Variants in DDR2 observed in about 807,000 individuals in gnomAD.
The protein encoded by DDR2 is discoidin domain-containing receptor 2.
A neutral mutation model predicts 94.9 loss-of-function variants in DDR2; 27 were observed. The ratio of observed to expected loss-of-function variants is 0.28; its 90% confidence interval spans 0.21 to 0.39. The LOEUF is 0.39. DDR2 is among the 10% of genes least tolerant of loss of function. DDR2 has a pLI of 1.00. For synonymous variants in DDR2, 382 were observed against 377.2 expected, an observed-to-expected ratio of 1.01 and a Z score of -0.15; for missense variants, 783 against 1,076.0, an observed-to-expected ratio of 0.73 and a Z score of 3.81.
chr1:162,761,558 G>A, intron 9 of DDR2, 104 bp downstream of exon 9: 1 of 1,565,336 alleles, frequency 6.4e-7, no homozygotes, highest in Non-Finnish European at 8.7e-7. Flanking sequence ...GAGTGGGATT[G>A]TACAGGCAGC....
intron 3 of DDR2, among the ~76,000 whole-genome samples, chr1:162,734,723 A>G (rs1207738044): frequency 6.6e-6 from 1 of 152,146 alleles, no homozygotes; most frequent in Non-Finnish European, 1.5e-5. Context: ...TGCATTCAGG[A>G]ACTGAAATAA....
chr1:162,638,442 C>T (rs1210556531), intron 1 of DDR2, among the ~76,000 whole-genome samples: 1 of 152,160 alleles, frequency 6.6e-6, no homozygotes, highest in Admixed American at 6.5e-5. Context: ...TCCCATATCC[C>T]CATGGTAAGG....
At position 162,712,438 on chromosome 1, in the gene DDR2, T is replaced by G. The variant is rs79075285; in HGVS notation, c.-27-6599T>G. ...TGAGACATTTAACCTCTCAGACTCT[T>G]GCTTTTTTCTTTCCTGGAGAGCTGC... On this transcript the variant is annotated intron_variant, in intron 2 of 17. Transcript: ENST00000367921. Among the ~76,000 whole-genome samples, 838 of 152,040 alleles carry G rather than the reference T, an allele frequency of 5.5e-3. 16 individuals are homozygous for G. The South Asian group carries it at 0.072, about 13-fold the overall frequency.
At position 162,762,912 on chromosome 1, in the gene DDR2, C is replaced by A. The variant is rs569810846; in HGVS notation, c.1099+1458C>A. Among the ~76,000 whole-genome samples, 5 of 152,282 alleles carry A rather than the reference C, an allele frequency of 3.3e-5. No individual in the cohort carries two copies. In the East Asian group the frequency reaches 9.6e-4, roughly 29 times the overall value. Reference sequence around the variant, plus strand: ...AATGCAGTGGTGTGATCTTGGCTCACTGCAACCCCCGCCTCCCGGGATCGA... The same window carrying A: ...AATGCAGTGGTGTGATCTTGGCTCAATGCAACCCCCGCCTCCCGGGATCGA... On this transcript the variant is annotated intron_variant, in intron 9 of 17. Transcript: ENST00000367921.
intron 2 of DDR2, among the ~76,000 whole-genome samples, chr1:162,660,645 C>T (rs1658246213): frequency 6.6e-6 from 1 of 152,184 alleles, no homozygotes; most frequent in South Asian, 2.1e-4. Flanking sequence ...TTGAAGTTTT[C>T]TAACATCAAA....
intron 3 of DDR2, among the ~76,000 whole-genome samples, chr1:162,749,966 C>G (rs951155213): frequency 6.6e-6 from 1 of 152,216 alleles, no homozygotes; most frequent in East Asian, 1.9e-4. Context: ...AACAGCCCTT[C>G]ATGCTAAAAG....
rs1648084161 is a variant in DDR2, at chr1:162,784,843, A to C, written c.*4597A>C. ...AGTCCATTTTCGGAACCAGAAAATT[A>C]ACATTGGCATAATGCTATTAACTAA... is the stretch of plus-strand genomic sequence containing the variant. On this transcript the variant is annotated 3_prime_UTR_variant, in exon 18 of 18. Coordinates refer to ENST00000367921, the MANE Select transcript of DDR2 (RefSeq NM_006182.4). 6.6e-6 allele frequency: 1 copy of C among 152,208 alleles called. No individual in the cohort carries two copies. Among genetic ancestry groups the C allele is most frequent in the African/African-American group, 2.4e-5 (1 of 41,468 alleles). The allele number at this position is 152,208 out of a possible 1,614,324, so 9.4% of individuals were successfully genotyped here.
At chr1:162,704,037 C>T (rs1660546300) in intron 2 of DDR2, among the ~76,000 whole-genome samples, 1 of 152,146 alleles carries the variant, frequency 6.6e-6, no homozygotes, top group Admixed American at 6.5e-5. Context: ...TTCAGCCTCC[C>T]TTTTAAAGCC....
At chr1:162,741,545 G>C in intron 3 of DDR2, 1 of 978,808 alleles carries the variant, frequency 1.0e-6, no homozygotes, top group Non-Finnish European at 1.2e-6. Flanking sequence ...CCATGGGACA[G>C]CACTTTGCAA....
chr1:162,684,551 T>A (rs1659573847), intron 2 of DDR2, among the ~76,000 whole-genome samples: 1 of 152,134 alleles, frequency 6.6e-6, no homozygotes, highest in Non-Finnish European at 1.5e-5. Flanking sequence ...TTTTAGAGTT[T>A]GCTACTGCTC....
At position 162,660,342 on chromosome 1, in the gene DDR2, C is replaced by T. The variant is rs559382724; in HGVS notation, c.-28+4968C>T. Among the ~76,000 whole-genome samples, 27 of 151,874 alleles carry T rather than the reference C, an allele frequency of 1.8e-4. No individual in the cohort carries two copies. In the South Asian group the frequency reaches 5.0e-3, roughly 28 times the overall value. ...GTTTGGGGGTAGAGGAGGTAGGCGGCGGTGGGCAGTTGGGACCCCCCGTAC... is the reference window on the plus strand; with the variant it reads ...GTTTGGGGGTAGAGGAGGTAGGCGGTGGTGGGCAGTTGGGACCCCCCGTAC... On this transcript the variant is annotated intron_variant, in intron 2 of 17. Coordinates refer to ENST00000367921, the MANE Select transcript of DDR2 (RefSeq NM_006182.4).
At position 162,780,420 on chromosome 1, in the gene DDR2, C is replaced by CTT. The variant is rs5778295; in HGVS notation, c.*187_*188dup. 3 of 672,204 alleles carry CTT rather than the reference C, an allele frequency of 4.5e-6. No homozygotes were observed. In the African/African-American group the frequency reaches 5.7e-5, roughly 13 times the overall value. 41.6% of individuals were successfully genotyped at this position (672,204 alleles called of 1,614,324 possible). A position where few individuals can be genotyped will look rare whatever the true frequency, so the allele number is the denominator to read the frequency against. On this transcript the variant is annotated 3_prime_UTR_variant, in exon 18 of 18. Coordinates refer to ENST00000367921, the MANE Select transcript of DDR2 (RefSeq NM_006182.4). Reference sequence around the variant, plus strand: ...ACTCCCTACCCCTGACTCATATACACTTTTTTTTTTTTTTACATTAAAGAA... The same window carrying CTT: ...ACTCCCTACCCCTGACTCATATACACTTTTTTTTTTTTTTTTACATTAAAGAA...
At chr1:162,756,022 T>C (rs935322601) in intron 7 of DDR2, among the ~76,000 whole-genome samples, 6 of 152,234 alleles carry the variant, frequency 3.9e-5, no homozygotes, top group African/African-American at 1.4e-4. Context: ...AAGTTTGTGA[T>C]ATGGCTCTAA....
chr1:162,729,732 ATT>A (rs1661926493), intron 3 of DDR2, among the ~76,000 whole-genome samples: 1 of 150,928 alleles, frequency 6.6e-6, no homozygotes, highest in African/African-American at 2.4e-5. Flanking sequence ...TTATTTATTT[ATT>A]TTTATTTATA....
chr1:162,729,292 ATATATATATTTTT>A (rs1320518321), intron 3 of DDR2, among the ~76,000 whole-genome samples: 10 of 23,824 alleles, frequency 4.2e-4, no homozygotes, highest in Non-Finnish European at 7.6e-4. Flanking sequence ...ATATATATAT[ATATATATATTTTT>A]TTTTTTTTTT....
At chr1:162,770,181 G>T in intron 11 of DDR2, 121 bp from the exon 12 acceptor site, 1 of 971,856 alleles carries the variant, frequency 1.0e-6, no homozygotes, top group South Asian at 1.3e-5. Context: ...GTGCAGTGTT[G>T]CTGGGGTTAA....
chr1:162,664,586 TA>T (rs1238231119), intron 2 of DDR2, among the ~76,000 whole-genome samples: 2 of 152,096 alleles, frequency 1.3e-5, no homozygotes, highest in African/African-American at 4.8e-5. Context: ...TAAATCAAGA[TA>T]AAAGTCACAA....
rs927644935 is a variant in DDR2, at chr1:162,775,949, T to G, written c.2048+106T>G. On this transcript the variant is annotated intron_variant, in intron 15 of 17. Transcript: ENST00000367921. ...AAAGTGTATCAATGTTCTGGGATGG[T>G]GGGGGAAGTCAGTGTGCAGGGAATA... 7 of 1,497,198 alleles carry G rather than the reference T, an allele frequency of 4.7e-6. No individual in the cohort carries two copies. In the African/African-American group the frequency reaches 6.9e-5, roughly 15 times the overall value. The allele number at this position is 1,497,198 out of a possible 1,614,324, so 92.7% of individuals were successfully genotyped here.
chr1:162,719,220 T>A, intron 3 of DDR2, 75 bp downstream of exon 3: 3 of 1,609,422 alleles, frequency 1.9e-6, no homozygotes, highest in Non-Finnish European at 2.5e-6. Context: ...CAATGGTGGG[T>A]CTAAAAGCTG....
Sources: gnomAD v4.1 joint callset for allele counts (sites outside exome capture counted in the v4.1 genomes callset) on GRCh38, gnomAD v4.1.1 for gene constraint, MANE v1.5 for transcripts, NCBI Gene and HGNC (gene_info 2026-07-23, HGNC 2026-07-21) for gene names.